GHR: variants seen among roughly 807,000 people sequenced by gnomAD.
GHR encodes the protein GH receptor.
GHR carries 35 observed loss-of-function variants against 67.1 expected under a neutral mutation model. The observed-to-expected ratio is 0.52, with a 90% CI of 0.40 to 0.69. The LOEUF is 0.69. Ranked by LOEUF, GHR falls within the 30% of genes least tolerant of loss-of-function variation. The pLI is 0.00. For missense variants in GHR, 792 were observed against 764.6 expected (o/e 1.04, Z -0.42); for synonymous variants, 272 against 269.1 (o/e 1.01, Z -0.10).
chr5:42,508,446 C>A (rs943465814), intron 1 of GHR, among the ~76,000 whole-genome samples: 3 of 152,196 alleles, frequency 2.0e-5, no homozygotes, highest in Admixed American at 6.5e-5. Flanking sequence ...CCTCTGCAAT[C>A]TTCTGGAGGC....
chr5:42,660,768 T>C (rs1385168995), intron 3 of GHR, among the ~76,000 whole-genome samples: 1 of 152,202 alleles, frequency 6.6e-6, no homozygotes, highest in Non-Finnish European at 1.5e-5. Flanking sequence ...GGAGAATGAC[T>C]TTGACGAGCT....
chr5:42,661,967 A>G (rs1755656641), intron 3 of GHR, among the ~76,000 whole-genome samples: 2 of 152,232 alleles, frequency 1.3e-5, no homozygotes, highest in Admixed American at 1.3e-4. Context: ...CGTCTCTGAT[A>G]AAACAGACTT....
chr5:42,676,825 T>C (rs1756596034), intron 3 of GHR, among the ~76,000 whole-genome samples: 1 of 152,190 alleles, frequency 6.6e-6, no homozygotes, highest in African/African-American at 2.4e-5. Flanking sequence ...AAAATAGCAC[T>C]TGGGATATGA....
intron 1 of GHR, among the ~76,000 whole-genome samples, chr5:42,553,941 A>G (rs1212735779): frequency 6.6e-6 from 1 of 152,036 alleles, no homozygotes; most frequent in East Asian, 1.9e-4. Context: ...AAGCACATTA[A>G]TTGATTGGTT....
chr5:42,449,633 C>T (rs1447638269), intron 1 of GHR, among the ~76,000 whole-genome samples: 1 of 152,094 alleles, frequency 6.6e-6, no homozygotes, highest in Non-Finnish European at 1.5e-5. Flanking sequence ...TTATTTCTTT[C>T]TCTTGTCTAA....
chr5:42,457,875 C>T (rs903482653), intron 1 of GHR, among the ~76,000 whole-genome samples: 9 of 152,198 alleles, frequency 5.9e-5, no homozygotes, highest in Admixed American at 2.6e-4. Flanking sequence ...GCCAAGCAAA[C>T]TACTTACTAG....
chr5:42,458,281 C>T (rs1008514807), intron 1 of GHR, among the ~76,000 whole-genome samples: 1 of 152,046 alleles, frequency 6.6e-6, no homozygotes, highest in Non-Finnish European at 1.5e-5. Context: ...CAAAAACAGA[C>T]ACATAGACAA....
chr5:42,582,666 G>A (rs983920007), intron 2 of GHR, among the ~76,000 whole-genome samples: 1 of 152,226 alleles, frequency 6.6e-6, no homozygotes, highest in Non-Finnish European at 1.5e-5. Flanking sequence ...TAGGTGACAA[G>A]AACAGAAGAG....
At chr5:42,597,278 T>C (rs1045329520) in intron 2 of GHR, among the ~76,000 whole-genome samples, 2 of 152,176 alleles carry the variant, frequency 1.3e-5, no homozygotes, top group African/African-American at 4.8e-5. Context: ...CTGAAGAACA[T>C]AGATAATTAT....
intron 2 of GHR, among the ~76,000 whole-genome samples, chr5:42,624,650 G>T (rs1377253409): frequency 7.6e-6 from 1 of 132,336 alleles, no homozygotes; most frequent in African/African-American, 3.2e-5. Flanking sequence ...CTTTCACTTT[G>T]TTATTATTTT....
chr5:42,500,354 A>G lies in GHR; in HGVS notation c.-11-65510A>G, dbSNP rs553807724. On this transcript the variant is annotated intron_variant, in intron 1 of 9. Coordinates refer to ENST00000230882, the MANE Select transcript of GHR (RefSeq NM_000163.5). The stretch of plus-strand genomic sequence containing the variant: ...GCGGTTAAAACAAAGCTCTGGGGCC[A>G]GATCACCTGGGTTTAAATCTGGGTT... Among the ~76,000 whole-genome samples, 5 of 152,376 alleles carry G rather than the reference A, an allele frequency of 3.3e-5. No homozygotes were observed. The East Asian group carries it at 5.8e-4, about 18-fold the overall frequency.
chr5:42,665,040 A>G (rs867260729), intron 3 of GHR, among the ~76,000 whole-genome samples: 7 of 152,246 alleles, frequency 4.6e-5, no homozygotes, highest in Non-Finnish European at 1.0e-4. Flanking sequence ...CAAAACCACA[A>G]TGAGATACCA....
chr5:42,470,602 A>G, intron 1 of GHR, among the ~76,000 whole-genome samples: 1 of 152,178 alleles, frequency 6.6e-6, no homozygotes, highest in East Asian at 1.9e-4. Context: ...CTTGTTGATT[A>G]GCACTAATCA....
chr5:42,576,617 G>A (rs1750760368), intron 2 of GHR, among the ~76,000 whole-genome samples: 1 of 152,118 alleles, frequency 6.6e-6, no homozygotes, highest in Non-Finnish European at 1.5e-5. Context: ...TTTGCACAAG[G>A]AAATTTTGGA....
chr5:42,626,299 A>T (rs895322468), intron 2 of GHR, among the ~76,000 whole-genome samples: 1 of 152,198 alleles, frequency 6.6e-6, no homozygotes, highest in African/African-American at 2.4e-5. Flanking sequence ...GTTGTTACCT[A>T]TACTTCTAGC....
intron 1 of GHR, among the ~76,000 whole-genome samples, chr5:42,558,545 T>C (rs1197514481): frequency 6.6e-6 from 1 of 152,240 alleles, no homozygotes; most frequent in Non-Finnish European, 1.5e-5. Flanking sequence ...CATAAAATTA[T>C]AAAATCATGT....
At chr5:42,488,521 A>G (rs1220972490) in intron 1 of GHR, among the ~76,000 whole-genome samples, 2 of 152,184 alleles carry the variant, frequency 1.3e-5, no homozygotes, top group Non-Finnish European at 2.9e-5. Context: ...TTTCTGCTCT[A>G]TAGATACCTG....
intron 1 of GHR, among the ~76,000 whole-genome samples, chr5:42,445,871 C>T (rs1322941932): frequency 6.6e-6 from 1 of 151,980 alleles, no homozygotes; most frequent in Non-Finnish European, 1.5e-5. Flanking sequence ...TATTGAAGTG[C>T]CAGGGAATAA....
intron 3 of GHR, among the ~76,000 whole-genome samples, chr5:42,685,258 G>T (rs1327717052): frequency 6.6e-6 from 1 of 152,114 alleles, no homozygotes; most frequent in Non-Finnish European, 1.5e-5. Flanking sequence ...CCATGTCCCT[G>T]CAAAGAACAT....
Sources: gnomAD v4.1 joint callset for allele counts (sites outside exome capture counted in the v4.1 genomes callset) on GRCh38, gnomAD v4.1.1 for gene constraint, MANE v1.5 for transcripts, NCBI Gene and HGNC (gene_info 2026-07-23, HGNC 2026-07-21) for gene names.